DEPTOR: variants seen among roughly 807,000 people sequenced by gnomAD.
The protein encoded by DEPTOR is DEP domain-containing mTOR-interacting protein.
DEPTOR carries 41 observed loss-of-function variants against 41.6 expected under a neutral mutation model. The observed-to-expected ratio is 0.98, with a 90% CI of 0.77 to 1.28. The LOEUF (loss-of-function observed/expected upper bound fraction) is 1.28, where lower values mean the gene tolerates loss of function less well. Among genes scored for constraint, DEPTOR ranks in the 50% most tolerant of loss-of-function variants. DEPTOR has a pLI of 0.00. For synonymous variants in DEPTOR, 195 were observed against 192.3 expected (o/e 1.01, Z -0.12); for missense variants, 514 against 527.9 (o/e 0.97, Z 0.26).
chr8:119,960,882 G>T (rs1828481094), intron 3 of DEPTOR, among the ~76,000 whole-genome samples: 1 of 152,048 alleles, frequency 6.6e-6, no homozygotes, highest in Non-Finnish European at 1.5e-5. Flanking sequence ...TACTTGGGAG[G>T]CTAAGGCAGG....
chr8:119,893,595 G>T (rs897454101), intron 1 of DEPTOR, among the ~76,000 whole-genome samples: 5 of 152,134 alleles, frequency 3.3e-5, no homozygotes, highest in African/African-American at 9.7e-5. Flanking sequence ...TTGGGAGACC[G>T]CAGTAGGTGG....
At chr8:119,893,984 C>T (rs1473357329) in intron 1 of DEPTOR, among the ~76,000 whole-genome samples, 2 of 152,162 alleles carry the variant, frequency 1.3e-5, no homozygotes, top group Non-Finnish European at 2.9e-5. Flanking sequence ...GTCATACTAA[C>T]GGGATCTATA....
rs115762790 is a variant in DEPTOR, at chr8:120,007,423, G to A, written c.996+548G>A. Among the ~76,000 whole-genome samples, 926 of 152,154 alleles carry A rather than the reference G, an allele frequency of 6.1e-3. 11 individuals carry two copies. The highest frequency in any genetic ancestry group is 0.021 in the African/African-American group (876 of 41,500). ...AATGTGTGCATGCCTTGAGGTACAC[G>A]AGCCTCTGACTTGCTGTGAGCAGCT... On this transcript the variant is annotated intron_variant, in intron 7 of 8. Coordinates refer to ENST00000286234, the MANE Select transcript of DEPTOR (RefSeq NM_022783.4).
At chr8:120,047,159 G>T (rs1187870300) in intron 8 of DEPTOR, among the ~76,000 whole-genome samples, 1 of 152,042 alleles carries the variant, frequency 6.6e-6, no homozygotes, top group Non-Finnish European at 1.5e-5. Context: ...GAGTAGCTGG[G>T]ATTACAGGTG....
chr8:119,894,417 G>A (rs1408096750), intron 1 of DEPTOR, among the ~76,000 whole-genome samples: 1 of 55,310 alleles, frequency 1.8e-5, no homozygotes, highest in Non-Finnish European at 5.0e-5. Flanking sequence ...TATTTTTTGA[G>A]ACAGAGTCTC....
intron 3 of DEPTOR, among the ~76,000 whole-genome samples, chr8:119,963,778 C>A (rs1828521314): frequency 1.3e-5 from 2 of 152,094 alleles, no homozygotes; most frequent in Admixed American, 1.3e-4. Context: ...AAAATGGAAT[C>A]CAGAGGAGTT....
intron 1 of DEPTOR, among the ~76,000 whole-genome samples, chr8:119,911,624 G>C (rs1172554008): frequency 6.6e-6 from 1 of 152,172 alleles, no homozygotes; most frequent in Non-Finnish European, 1.5e-5. Context: ...GGCCCCTGCT[G>C]TGTACACATT....
At chr8:119,930,526 C>T (rs371456597) in intron 3 of DEPTOR, among the ~76,000 whole-genome samples, 16 of 152,156 alleles carry the variant, frequency 1.1e-4, no homozygotes, top group Admixed American at 5.9e-4. Flanking sequence ...TGTGAGCCAC[C>T]GTGCTTGGCC....
chr8:119,928,321 T>C (rs1827989080), intron 1 of DEPTOR, 79 bp from the exon 2 acceptor site: 2 of 1,461,544 alleles, frequency 1.4e-6, no homozygotes, highest in East Asian at 4.6e-5. Context: ...ACTTCTGTTA[T>C]GTTATTACTG....
At chr8:120,004,823 A>G (rs542551020) in intron 6 of DEPTOR, among the ~76,000 whole-genome samples, 1 of 152,130 alleles carries the variant, frequency 6.6e-6, no homozygotes, top group African/African-American at 2.4e-5. Context: ...AGACCCAGTG[A>G]GTTCATCTGT....
intron 3 of DEPTOR, among the ~76,000 whole-genome samples, chr8:119,954,169 G>A (rs1258985915): frequency 8.0e-5 from 12 of 150,488 alleles, no homozygotes; most frequent in Admixed American, 8.0e-4. Flanking sequence ...TTGGAGACAG[G>A]GTCTCACTCT....
intron 4 of DEPTOR, among the ~76,000 whole-genome samples, chr8:119,984,368 A>G (rs1828803893): frequency 6.6e-6 from 1 of 152,070 alleles, no homozygotes; most frequent in Non-Finnish European, 1.5e-5. Flanking sequence ...TGCTGCACCC[A>G]TCAACCTGTC....
At position 120,016,764 on chromosome 8, in the gene DEPTOR, T is replaced by C. The variant is rs544445350; in HGVS notation, c.1101+7631T>C. Among the ~76,000 whole-genome samples the C allele has an allele frequency of 6.4e-4, 98 of 152,036 alleles. 1 individual carries two copies. The highest frequency in any genetic ancestry group is 2.2e-3 in the African/African-American group (91 of 41,512). ...CACAGGCACATCATGCCACCATGCCTGGCTAATTTTTTTACTTTTTGTAGA... is the reference window on the plus strand; with the variant it reads ...CACAGGCACATCATGCCACCATGCCCGGCTAATTTTTTTACTTTTTGTAGA... On this transcript the variant is annotated intron_variant, in intron 8 of 8. Transcript: ENST00000286234.
At chr8:119,965,470 T>C in intron 4 of DEPTOR, 60 bp downstream of exon 4, 1 of 1,569,806 alleles carries the variant, frequency 6.4e-7, no homozygotes, top group Non-Finnish European at 8.7e-7. Flanking sequence ...ATCTTGTGTC[T>C]TACAACAACA....
chr8:120,022,157 TAAAA>T (rs34125548), intron 8 of DEPTOR, among the ~76,000 whole-genome samples: 1 of 93,724 alleles, frequency 1.1e-5, no homozygotes, highest in Non-Finnish European at 2.1e-5. Flanking sequence ...GACCCCATCT[TAAAA>T]AAAAAAAAAA....
At chr8:120,036,147 C>T (rs1054565988) in intron 8 of DEPTOR, among the ~76,000 whole-genome samples, 4 of 152,134 alleles carry the variant, frequency 2.6e-5, no homozygotes, top group Non-Finnish European at 4.4e-5. Flanking sequence ...GCAGAGCGTA[C>T]CAAGAGGGAG....
chr8:120,043,613 T>G (rs1315617680), intron 8 of DEPTOR, among the ~76,000 whole-genome samples: 1 of 152,212 alleles, frequency 6.6e-6, no homozygotes, highest in African/African-American at 2.4e-5. Flanking sequence ...TTTGTTCTTA[T>G]GTAGGCCTGT....
chr8:119,942,075 AT>A (rs1476949547), intron 3 of DEPTOR, among the ~76,000 whole-genome samples: 39 of 152,218 alleles, frequency 2.6e-4, no homozygotes, highest in Admixed American at 1.0e-3. Context: ...ATATATGGCA[AT>A]TTGTTAACAT....
chr8:119,953,801 C>CTTTTTTTTTTT (rs35043841), intron 3 of DEPTOR, among the ~76,000 whole-genome samples: 4 of 119,678 alleles, frequency 3.3e-5, no homozygotes, highest in Non-Finnish European at 1.7e-5. Flanking sequence ...CAGATAGCTT[C>CTTTTTTTTTTT]TTTTTTTTTT....
Sources: gnomAD v4.1 joint callset for allele counts (sites outside exome capture counted in the v4.1 genomes callset) on GRCh38, gnomAD v4.1.1 for gene constraint, MANE v1.5 for transcripts, NCBI Gene and HGNC (gene_info 2026-07-23, HGNC 2026-07-21) for gene names.